The following TGFB3 variants were observed in gnomAD, a reference collection of about 807,000 sequenced individuals.
TGFB3 encodes transforming growth factor beta 3.
A neutral mutation model predicts 40.1 loss-of-function variants in TGFB3; 5 were observed. That is an observed-to-expected ratio of 0.12 (90% CI 0.07 to 0.26). TGFB3 has a LOEUF of 0.26. TGFB3 is among the 10% of genes least tolerant of loss of function. The probability of loss-of-function intolerance (pLI) is 1.00; values close to 1 mark genes in which losing one functional copy is unlikely to be tolerated. For synonymous variants in TGFB3, 184 were observed against 205.6 expected (o/e 0.89, Z 0.90); for missense variants, 373 against 530.1 (o/e 0.70, Z 2.91).
At chr14:75,969,788 C>T (rs1027499123) in intron 3 of TGFB3, among the ~76,000 whole-genome samples, 12 of 152,100 alleles carry the variant, frequency 7.9e-5, no homozygotes, top group African/African-American at 2.4e-4. Context: ...ACCTGGATGT[C>T]GAAAAAATTT....
Position 75,971,807 on chromosome 14 carries a change from G to A in TGFB3, c.353-89C>T, listed in dbSNP as rs1375544762. 24 of 1,471,838 alleles carry A rather than the reference G, an allele frequency of 1.6e-5. No homozygotes were observed. The highest frequency in any genetic ancestry group is 9.4e-5 in the South Asian group (8 of 85,430). 91.2% of individuals were successfully genotyped at this position (1,471,838 alleles called of 1,614,324 possible). On this transcript the variant is annotated intron_variant, in intron 1 of 6. Coordinates refer to ENST00000238682, the MANE Select transcript of TGFB3 (RefSeq NM_003239.5). This position sits in a 1 kb window ranked among gnomAD's most constrained non-coding sequence, Gnocchi z 4.5. ...AACGGACAGGCACCAAGTGGCCACC[G>A]TCCCGCCTGCCACCTCCCTAGAGGC...
intron 4 of TGFB3, among the ~76,000 whole-genome samples, chr14:75,963,901 G>A (rs532661394): frequency 1.3e-5 from 2 of 151,192 alleles, no homozygotes; most frequent in South Asian, 4.1e-4. Context: ...TTTTGAGACA[G>A]AGTCTCGCTC....
Position 75,971,482 on chromosome 14 carries a change from C to T in TGFB3, c.516+73G>A. On this transcript the variant is annotated intron_variant, in intron 2 of 6. Coordinates refer to ENST00000238682, the MANE Select transcript of TGFB3 (RefSeq NM_003239.5). The surrounding 1 kb of genome is among the most constrained non-coding windows in gnomAD (Gnocchi z 4.5). ...AACCCAGGTCTGCCAAACGCTGCAC[C>T]CAGTGGTGCCCTGATATGGCAAAGG... 6.3e-7 allele frequency: 1 copy of T among 1,598,624 alleles called. No individual in the cohort carries two copies. Among genetic ancestry groups the T allele is most frequent in the Non-Finnish European group, 8.5e-7 (1 of 1,171,872 alleles).
At chr14:75,977,268 A>G (rs2140250884) in intron 1 of TGFB3, among the ~76,000 whole-genome samples, 1 of 152,364 alleles carries the variant, frequency 6.6e-6, no homozygotes, top group Non-Finnish European at 1.5e-5. Context: ...GCCAGAAGAT[A>G]AAATGACACC....
At chr14:75,965,777 A>G in intron 3 of TGFB3, 82 bp from the exon 4 acceptor site, 2 of 1,142,834 alleles carry the variant, frequency 1.8e-6, no homozygotes, top group Admixed American at 1.7e-5. Flanking sequence ...AGGGTGAGCC[A>G]GGGCCTCTGC....
chr14:75,969,930 G>A (rs1214750241), intron 3 of TGFB3, among the ~76,000 whole-genome samples: 2 of 152,198 alleles, frequency 1.3e-5, no homozygotes, highest in African/African-American at 4.8e-5. Flanking sequence ...TCTCGGCCTA[G>A]ATATTGCTCT....
chr14:75,980,813 G>A lies in TGFB3; in HGVS notation c.81C>T (p.Cys27=), dbSNP rs747708007. 8 of 1,614,198 alleles carry A rather than the reference G, an allele frequency of 5.0e-6. No homozygotes were observed. Among genetic ancestry groups the A allele is most frequent in the Middle Eastern group, 3.3e-4 (2 of 6,062 alleles). ...TGATGTGGCCGAAGTCCAAGGTGGT[G>A]CAAGTGGACAGAGAGAGGCTGACCG... ...FATVSLSLST[C]TTLDFGHIKK... The change falls in exon 1 of 7, where the codon TGC becomes TGT. Residue 27 remains cysteine (C), a synonymous_variant. Transcript: ENST00000238682. This position sits in a 1 kb window ranked among gnomAD's most constrained non-coding sequence, Gnocchi z 4.3.
At chr14:75,974,754 G>A (rs2035332437) in intron 1 of TGFB3, among the ~76,000 whole-genome samples, 1 of 113,708 alleles carries the variant, frequency 8.8e-6, no homozygotes, top group Admixed American at 1.1e-4. Flanking sequence ...AACAGAGTGA[G>A]ACTCCATCTC....
At chr14:75,969,423 T>C (rs2035260393) in intron 3 of TGFB3, among the ~76,000 whole-genome samples, 1 of 152,224 alleles carries the variant, frequency 6.6e-6, no homozygotes. Context: ...GATGGTGTCA[T>C]GAGACACCAA....
chr14:75,961,836 G>A lies in TGFB3; in HGVS notation c.927-760C>T, dbSNP rs143521846. 1.8e-3 allele frequency among the ~76,000 whole-genome samples: 281 copies of A among 152,262 alleles called. 1 individual carries two copies. Among genetic ancestry groups the A allele is most frequent in the Non-Finnish European group, 2.6e-3 (177 of 68,032 alleles). On this transcript the variant is annotated intron_variant, in intron 5 of 6. Coordinates refer to ENST00000238682, the MANE Select transcript of TGFB3 (RefSeq NM_003239.5). ...TTCTCCCTTGTGACATCCCATTACAGAGTCGAAAACACCAGATGCTCCTTT... is the reference window on the plus strand; with the variant it reads ...TTCTCCCTTGTGACATCCCATTACAAAGTCGAAAACACCAGATGCTCCTTT...
At position 75,980,917 on chromosome 14, in the gene TGFB3, G is replaced by A. The variant is rs759451364; in HGVS notation, c.-24C>T. ...ATGTGTGAGCTGGGAAGAGAGGCCA[G>A]GGGGACGGCAAGGCCTGGAGAGGAA... On this transcript the variant is annotated 5_prime_UTR_variant, in exon 1 of 7. Coordinates refer to ENST00000238682, the MANE Select transcript of TGFB3 (RefSeq NM_003239.5). The surrounding 1 kb of genome is among the most constrained non-coding windows in gnomAD (Gnocchi z 4.3). 9.3e-6 allele frequency: 15 copies of A among 1,607,966 alleles called. No homozygotes were observed. The Admixed American group carries it at 2.0e-4, about 21-fold the overall frequency.
At chr14:75,970,650 C>CTCCCCTCCTCT (rs143589998) in intron 3 of TGFB3, 102,123 of 153,750 alleles carry the variant, frequency 0.66, 36,082 homozygotes, top group Non-Finnish European at 0.77. Flanking sequence ...CCCTGACCAC[C>CTCCCCTCCTCT]TCCCCTCCTC....
Position 75,979,961 on chromosome 14 carries a change from G to A in TGFB3, c.352+581C>T, listed in dbSNP as rs1049673072. Among the ~76,000 whole-genome samples the A allele has an allele frequency of 2.0e-5, 3 of 152,230 alleles. No individual in the cohort carries two copies. Among genetic ancestry groups the A allele is most frequent in the South Asian group, 2.1e-4 (1 of 4,830 alleles). On this transcript the variant is annotated intron_variant, in intron 1 of 6. Transcript: ENST00000238682. The surrounding 1 kb of genome is among the most constrained non-coding windows in gnomAD (Gnocchi z 4.8). ...AGCTCACGTGGGTCTCGTGGGTCAC[G>A]TGGGTGGGGTAGACCAAAGGGCCCA...
chr14:75,982,053 G>A (rs1165753500), upstream of TGFB3, among the ~76,000 whole-genome samples: 2 of 152,126 alleles, frequency 1.3e-5, no homozygotes, highest in Non-Finnish European at 2.9e-5. This position sits in a 1 kb window ranked among gnomAD's most constrained non-coding sequence, Gnocchi z 4.0. Context: ...CTCTGGCCTG[G>A]GGTGGGGGAG....
upstream of TGFB3, chr14:75,982,726 C>G (rs1479031257): frequency 6.6e-6 from 1 of 152,232 alleles, no homozygotes; most frequent in Non-Finnish European, 1.5e-5. The surrounding 1 kb of genome is among the most constrained non-coding windows in gnomAD (Gnocchi z 4.0). Flanking sequence ...CGGTAGAGAG[C>G]GAGAAAAACA....
At chr14:75,970,640 C>T (rs2035278800) in intron 3 of TGFB3, 1 of 107,242 alleles carries the variant, frequency 9.3e-6, no homozygotes, top group Non-Finnish European at 2.1e-5. Context: ...CCAGCAACCT[C>T]CCTGACCACC....
At chr14:75,970,789 C>G (rs975604639) in intron 3 of TGFB3, 3 of 355,786 alleles carry the variant, frequency 8.4e-6, no homozygotes, top group Non-Finnish European at 1.7e-5. Context: ...ATCCCTTATT[C>G]TGATCTTCAT....
Position 75,971,461 on chromosome 14 carries a change from C to T in TGFB3, c.516+94G>A, listed in dbSNP as rs574919155. 150 of 1,573,504 alleles carry T rather than the reference C, an allele frequency of 9.5e-5. No homozygotes were observed. In the African/African-American group the frequency reaches 1.8e-3, roughly 19 times the overall value. ...GCTCAGAGAAGCCAGGATTCAAACC[C>T]AGGTCTGCCAAACGCTGCACCCAGT... On this transcript the variant is annotated intron_variant, in intron 2 of 6. Coordinates refer to ENST00000238682, the MANE Select transcript of TGFB3 (RefSeq NM_003239.5). This position sits in a 1 kb window ranked among gnomAD's most constrained non-coding sequence, Gnocchi z 4.5.
chr14:75,977,904 C>CT (rs1184454221), intron 1 of TGFB3, among the ~76,000 whole-genome samples: 1 of 152,032 alleles, frequency 6.6e-6, no homozygotes, highest in Admixed American at 6.6e-5. Context: ...CACAGAATGT[C>CT]TAGGTTAGGG....
Sources: allele counts gnomAD v4.1 joint callset (sites outside exome capture counted in the v4.1 genomes callset), GRCh38; gene constraint gnomAD v4.1.1; non-coding constraint Gnocchi (gnomAD v3.1); transcripts MANE v1.5; gene names NCBI Gene and HGNC (gene_info 2026-07-23, HGNC 2026-07-21).